The following SAMMSON variants were observed in gnomAD, a reference collection of about 807,000 sequenced individuals.
SAMMSON encodes long intergenic non-protein coding RNA 1212.
intron 3 of SAMMSON, among the ~76,000 whole-genome samples, chr3:70,067,081 A>C (rs1455268726): frequency 6.6e-6 from 1 of 152,086 alleles, no homozygotes; most frequent in African/African-American, 2.4e-5. Flanking sequence ...TAATCTAATA[A>C]TAAGACCATC....
chr3:70,020,331 T>G (rs903557706), intron 3 of SAMMSON, among the ~76,000 whole-genome samples: 3 of 152,122 alleles, frequency 2.0e-5, no homozygotes, highest in African/African-American at 7.2e-5. Flanking sequence ...GGAACATGGG[T>G]CTTCAGGCAC....
intron 3 of SAMMSON, among the ~76,000 whole-genome samples, chr3:70,027,849 A>G (rs1272396787): frequency 6.6e-6 from 1 of 152,214 alleles, no homozygotes; most frequent in African/African-American, 2.4e-5. Context: ...CTCTAAGAGC[A>G]AATGCAAGGT....
intron 7 of SAMMSON, among the ~76,000 whole-genome samples, chr3:70,326,299 G>A (rs983297902): frequency 6.6e-6 from 1 of 152,188 alleles, no homozygotes; most frequent in African/African-American, 2.4e-5. Context: ...CTTATTAATT[G>A]TCTGATTTTG....
intron 4 of SAMMSON, among the ~76,000 whole-genome samples, chr3:70,247,234 T>A (rs1377078121): frequency 6.6e-6 from 1 of 152,010 alleles, no homozygotes; most frequent in Non-Finnish European, 1.5e-5. Context: ...ATGGTTTTAT[T>A]TCCATTTTGA....
intron 4 of SAMMSON, among the ~76,000 whole-genome samples, chr3:70,178,626 G>A (rs1436619359): frequency 6.6e-6 from 1 of 152,172 alleles, no homozygotes; most frequent in Non-Finnish European, 1.5e-5. Context: ...CCACTGCGGA[G>A]GCATTTAGAA....
At chr3:70,049,694 T>C (rs977861953) in intron 3 of SAMMSON, among the ~76,000 whole-genome samples, 1 of 152,134 alleles carries the variant, frequency 6.6e-6, no homozygotes, top group Non-Finnish European at 1.5e-5. Context: ...ATAATTCTTT[T>C]AGAAATAATT....
chr3:70,066,679 G>A (rs1267165317), intron 3 of SAMMSON, among the ~76,000 whole-genome samples: 1 of 152,062 alleles, frequency 6.6e-6, no homozygotes, highest in Non-Finnish European at 1.5e-5. Flanking sequence ...GTAAAAAATA[G>A]ATTGAAGAGA....
intron 4 of SAMMSON, among the ~76,000 whole-genome samples, chr3:70,086,126 T>C (rs2067284748): frequency 6.6e-6 from 1 of 152,216 alleles, no homozygotes; most frequent in Admixed American, 6.5e-5. Flanking sequence ...GGTCAGTCTG[T>C]TATTACTAAG....
In SAMMSON at chr3:70,286,385, T is replaced by C. The variant is rs1299145790; in HGVS notation, n.675-4794T>C. 3.3e-5 allele frequency among the ~76,000 whole-genome samples: 5 copies of C among 152,080 alleles called. No individual in the cohort carries two copies. In the East Asian group the frequency reaches 9.6e-4, roughly 29 times the overall value. ...GATAGTTGTAGATATGTGGCATTATTTCTGAGGGCTCTGTTCTGTTCCATT... is the reference window on the plus strand; with the variant it reads ...GATAGTTGTAGATATGTGGCATTATCTCTGAGGGCTCTGTTCTGTTCCATT... On this transcript the variant is annotated intron_variant and non_coding_transcript_variant, in intron 6 of 9. Transcript: ENST00000642114.
chr3:70,320,842 A>G (rs938736545), intron 7 of SAMMSON, among the ~76,000 whole-genome samples: 3 of 152,112 alleles, frequency 2.0e-5, no homozygotes, highest in African/African-American at 7.2e-5. Flanking sequence ...TTGGAATGCG[A>G]GAAAATAGAC....
chr3:70,259,833 C>A lies in SAMMSON; in HGVS notation n.674+10163C>A, dbSNP rs140208637. On this transcript the variant is annotated intron_variant and non_coding_transcript_variant, in intron 6 of 9. Coordinates refer to ENST00000642114, the Ensembl canonical transcript of SAMMSON. ...GGTTTGATTGACTCACAGTTCAGCA[C>A]AGCTGGGGAGGTCTCAGGAAACTTA... 3.4e-4 allele frequency among the ~76,000 whole-genome samples: 52 copies of A among 152,226 alleles called. 1 individual carries two copies. The highest frequency in any genetic ancestry group is 1.3e-3 in the African/African-American group (52 of 41,516).
intron 4 of SAMMSON, among the ~76,000 whole-genome samples, chr3:70,165,697 G>T (rs1360984214): frequency 3.3e-5 from 5 of 151,904 alleles, no homozygotes; most frequent in Non-Finnish European, 7.4e-5. Context: ...TTCTACCAAG[G>T]ATCAGAAGTT....
chr3:70,217,223 G>A (rs551942390), intron 4 of SAMMSON, among the ~76,000 whole-genome samples: 1 of 152,162 alleles, frequency 6.6e-6, no homozygotes, highest in South Asian at 2.1e-4. Flanking sequence ...AGAATGCTTA[G>A]CATTTCTTAC....
chr3:70,366,492 G>GTTTTTTTTTTTT, intron 9 of SAMMSON, among the ~76,000 whole-genome samples: 42 of 100,694 alleles, frequency 4.2e-4, no homozygotes, highest in Non-Finnish European at 7.2e-4. Context: ...GTGTTTTTAT[G>GTTTTTTTTTTTT]TTTTTTTTTT....
At chr3:70,007,846 G>C (rs7431273) in intron 1 of SAMMSON, among the ~76,000 whole-genome samples, 71,208 of 151,896 alleles carry the variant, frequency 0.47, 18,382 homozygotes, top group African/African-American at 0.68. Context: ...AAGAGATCCA[G>C]TTTCAGCTTT....
intron 9 of SAMMSON, chr3:70,389,539 T>A (rs1701025082): frequency 1.3e-5 from 2 of 152,150 alleles, no homozygotes; most frequent in African/African-American, 4.8e-5. Context: ...TAAAGATGGC[T>A]GACAACAATT....
At chr3:70,162,782 T>C (rs2067621266) in intron 4 of SAMMSON, among the ~76,000 whole-genome samples, 1 of 151,418 alleles carries the variant, frequency 6.6e-6, no homozygotes. Flanking sequence ...CTTTTATTTC[T>C]GTCAGGGTTT....
chr3:70,134,765 C>A (rs1241872671), intron 4 of SAMMSON, among the ~76,000 whole-genome samples: 2 of 151,924 alleles, frequency 1.3e-5, no homozygotes, highest in African/African-American at 4.8e-5. Flanking sequence ...CTTTGGCCAC[C>A]TATTTTATTT....
intron 1 of SAMMSON, among the ~76,000 whole-genome samples, chr3:70,003,574 A>T (rs2066914582): frequency 6.6e-6 from 1 of 151,860 alleles, no homozygotes; most frequent in Admixed American, 6.6e-5. Context: ...AACATTAGTG[A>T]TAGCCACTTT....
Sources: gnomAD v4.1 joint callset for allele counts (sites outside exome capture counted in the v4.1 genomes callset) on GRCh38, gnomAD v4.1.1 for gene constraint, MANE v1.5 for transcripts, NCBI Gene and HGNC (gene_info 2026-07-23, HGNC 2026-07-21) for gene names.